STX10: variants seen among roughly 807,000 people sequenced by gnomAD.
The protein encoded by STX10 is syntaxin 10, also known as syntaxin-10.
In STX10, 35 loss-of-function variants were observed where a neutral mutation model predicts 34.1. The ratio of observed to expected loss-of-function variants is 1.03; its 90% CI spans 0.78 to 1.36. The LOEUF is 1.36. STX10 is among the 40% of genes most tolerant of loss of function. The pLI, the probability that STX10 is intolerant of heterozygous loss-of-function variation, is 0.00. For synonymous variants in STX10, 155 were observed against 132.9 expected, an observed-to-expected ratio of 1.17 and a Z score of -1.15; for missense variants, 361 against 335.5, an observed-to-expected ratio of 1.08 and a Z score of -0.59.
At position 13,144,373 on chromosome 19, in the gene STX10, C is replaced by G. The variant is rs1405946743; in HGVS notation, c.*37G>C. On this transcript the variant is annotated 3_prime_UTR_variant, in exon 8 of 8. Transcript: ENST00000587230. ...AGCTCCAAAGTGCTTGGTGGCTCCC[C>G]AGGCTTAAGGGACCAGCCTGCCAGG... 6.3e-7 allele frequency: 1 copy of G among 1,590,802 alleles called. No homozygotes were observed. The highest frequency in any genetic ancestry group is 8.5e-7 in the Non-Finnish European group (1 of 1,170,382).
chr19:13,147,296 C>T (rs1248919981), intron 4 of STX10, among the ~76,000 whole-genome samples: 1 of 151,998 alleles, frequency 6.6e-6, no homozygotes, highest in East Asian at 1.9e-4. Flanking sequence ...GAAACCCTGT[C>T]TCTACTAAAA....
chr19:13,149,019 GA>G lies in STX10; in HGVS notation c.363+9del. The G allele has an allele frequency of 6.3e-7, 1 of 1,598,574 alleles. No homozygotes were observed. Among genetic ancestry groups the G allele is most frequent in the Non-Finnish European group, 8.5e-7 (1 of 1,172,298 alleles). On this transcript the variant is annotated intron_variant, in intron 4 of 7. Coordinates refer to ENST00000587230, the MANE Select transcript of STX10 (RefSeq NM_003765.3). ...GGCTCAGGTGGGCAGGGTGGGTCAG[GA>G]AGGCTTACCTCTCTGTTATTCCTCT...
In STX10 at chr19:13,149,547, G is replaced by A; in HGVS notation, c.252C>T (p.Asp84=). 6.2e-7 allele frequency: 1 copy of A among 1,614,048 alleles called. No individual in the cohort carries two copies. The highest frequency in any genetic ancestry group is 1.3e-5 in the African/African-American group (1 of 74,994). The change falls in exon 3 of 8, where the codon GAC becomes GAT. Residue 84 remains aspartate, a synonymous_variant. Transcript: ENST00000587230. ...CCACGAACACCTTTCTCTCCTGCAG[G>A]TCCCCGGCTGGGAGCTTGAACTTGC... ...NPGKFKLPAG[D]LQERKVFVER...
intron 4 of STX10, among the ~76,000 whole-genome samples, chr19:13,145,744 G>T (rs1306679951): frequency 6.6e-6 from 1 of 151,950 alleles, no homozygotes; most frequent in East Asian, 1.9e-4. Context: ...ACAAAAATTG[G>T]GCCGGGCACA....
intron 4 of STX10, among the ~76,000 whole-genome samples, chr19:13,146,125 G>A (rs564003332): frequency 1.4e-4 from 21 of 151,846 alleles, no homozygotes; most frequent in Non-Finnish European, 1.3e-4. Context: ...TGAACCTGGG[G>A]GGCGGTGGTT....
At position 13,150,039 on chromosome 19, in the gene STX10, C is replaced by G; in HGVS notation, c.35+100G>C. On this transcript the variant is annotated intron_variant, in intron 1 of 7. Coordinates refer to ENST00000587230, the MANE Select transcript of STX10 (RefSeq NM_003765.3). This position sits in a 1 kb window ranked among gnomAD's most constrained non-coding sequence, Gnocchi z 4.0. ...GTGCGCCTCCCACTCTGCACCCCGA[C>G]GGCCTTGCCCAGCCCGCCGGGCACG... 1.5e-6 allele frequency: 2 copies of G among 1,300,450 alleles called. No homozygotes were observed. The highest frequency in any genetic ancestry group is 2.2e-6 in the Non-Finnish European group (2 of 919,996). The allele number at this position is 1,300,450 out of a possible 1,614,324, so 80.6% of individuals were successfully genotyped here. A position where few individuals can be genotyped will look rare whatever the true frequency, so the allele number is the denominator to read the frequency against.
At position 13,144,321 on chromosome 19, in the gene STX10, G is replaced by T; in HGVS notation, c.*89C>A. 1 of 1,514,026 alleles carries T rather than the reference G, an allele frequency of 6.6e-7. No homozygotes were observed. The highest frequency in any genetic ancestry group is 8.9e-7 in the Non-Finnish European group (1 of 1,117,900). 93.8% of individuals were successfully genotyped at this position (1,514,026 alleles called of 1,614,324 possible). ...CTCTACTCTCCAGCTACCCAGGAGGGACCCTCTCCTCCTAGGGGGCGAGGC... is the reference window on the plus strand; with the variant it reads ...CTCTACTCTCCAGCTACCCAGGAGGTACCCTCTCCTCCTAGGGGGCGAGGC... On this transcript the variant is annotated 3_prime_UTR_variant, in exon 8 of 8. Transcript: ENST00000587230.
intron 4 of STX10, among the ~76,000 whole-genome samples, chr19:13,148,040 G>GA (rs2019944126): frequency 8.2e-6 from 1 of 122,366 alleles, no homozygotes; most frequent in African/African-American, 3.2e-5. Flanking sequence ...CTCCAGCCTG[G>GA]CAACAGAGTG....
intron 5 of STX10, 47 bp from the exon 6 acceptor site, chr19:13,144,917 G>A (rs775073256): frequency 8.4e-6 from 13 of 1,541,308 alleles, no homozygotes; most frequent in East Asian, 2.4e-5. Flanking sequence ...GACCCCAGAA[G>A]GCCAGGCGCT....
Position 13,144,213 on chromosome 19 carries a change from G to T in STX10, c.*197C>A. 1 of 680,008 alleles carries T rather than the reference G, an allele frequency of 1.5e-6. No homozygotes were observed. The highest frequency in any genetic ancestry group is 2.4e-6 in the Non-Finnish European group (1 of 411,500). The allele number at this position is 680,008 out of a possible 1,614,324, so 42.1% of individuals were successfully genotyped here. On this transcript the variant is annotated 3_prime_UTR_variant, in exon 8 of 8. Coordinates refer to ENST00000587230, the MANE Select transcript of STX10 (RefSeq NM_003765.3). ...CCTAAGTGCACTTGAGACAGGACCAGTGGTGGTGGTTCCAGCCCAGGGTCC... is the reference window on the plus strand; with the variant it reads ...CCTAAGTGCACTTGAGACAGGACCATTGGTGGTGGTTCCAGCCCAGGGTCC...
chr19:13,147,761 G>T (rs1222090732), intron 4 of STX10, among the ~76,000 whole-genome samples: 1 of 151,922 alleles, frequency 6.6e-6, no homozygotes, highest in Non-Finnish European at 1.5e-5. Context: ...GCCACGCATG[G>T]TGGTGGGTGC....
intron 4 of STX10, among the ~76,000 whole-genome samples, chr19:13,146,540 G>A (rs567342431): frequency 8.0e-5 from 12 of 150,918 alleles, no homozygotes; most frequent in African/African-American, 2.7e-4. Flanking sequence ...TGGCCCAACA[G>A]ATGTTTGTTT....
chr19:13,144,401 G>A lies in STX10; in HGVS notation c.*9C>T, dbSNP rs2019845659. ...GCTTAAGGGACCAGCCTGCCAGGGAGGGCTGGGGTCAGAGAGAGAATAGTA... is the reference window on the plus strand; with the variant it reads ...GCTTAAGGGACCAGCCTGCCAGGGAAGGCTGGGGTCAGAGAGAGAATAGTA... On this transcript the variant is annotated 3_prime_UTR_variant, in exon 8 of 8. Coordinates refer to ENST00000587230, the MANE Select transcript of STX10 (RefSeq NM_003765.3). The A allele has an allele frequency of 1.9e-6, 3 of 1,605,756 alleles. No individual in the cohort carries two copies. In the East Asian group the frequency reaches 6.7e-5, roughly 36 times the overall value.
Position 13,149,854 on chromosome 19 carries a change from G to A in STX10, c.79C>T (p.Arg27Cys). The change falls in exon 2 of 8, where the codon CGC (arginine) becomes TGC (cysteine). Residue 27 changes from arginine (R) to cysteine (C), a missense_variant. Arg to Cys is a radical substitution (Grantham distance 180, BLOSUM62 -3). Transcript: ENST00000587230. ...CTTTCCTGCAGGAGCTCGCACCAGCGCTGGTACAGCCCGCGGGCCGTGTTC... is the reference window on the plus strand; with the variant it reads ...CTTTCCTGCAGGAGCTCGCACCAGCACTGGTACAGCCCGCGGGCCGTGTTC... ...AVNTARGLYQ[R>C]WCELLQESAA... 1 of 1,611,988 alleles carries A rather than the reference G, an allele frequency of 6.2e-7. No individual in the cohort carries two copies. Among genetic ancestry groups the A allele is most frequent in the Non-Finnish European group, 8.5e-7 (1 of 1,179,534 alleles).
At position 13,145,357 on chromosome 19, in the gene STX10, G is replaced by A. The variant is rs116545654; in HGVS notation, c.402C>T (p.Ser134=). The A allele has an allele frequency of 3.3e-5, 53 of 1,611,714 alleles. No individual in the cohort carries two copies. In the African/African-American group the frequency reaches 5.2e-4, roughly 16 times the overall value. Residue 134 remains serine (S), a synonymous_variant, in exon 5 of 8, where the codon AGC becomes AGT. Coordinates refer to ENST00000587230, the MANE Select transcript of STX10 (RefSeq NM_003765.3). ...AGKPAAQKSP[S]DLLDASAVSA... The stretch of plus-strand genomic sequence containing the variant: ...AGACTGCGCTGGCATCCAGCAGGTC[G>A]CTGGGTGACTTCTGGGCAGCTGGCT...
At chr19:13,145,200 A>T (rs2019869605) in intron 5 of STX10, 88 bp downstream of exon 5, 50 of 1,171,482 alleles carry the variant, frequency 4.3e-5, no homozygotes, top group South Asian at 6.9e-5. Context: ...CTCCATATCA[A>T]CAACAACAAC....
At chr19:13,147,358 A>T (rs1190317630) in intron 4 of STX10, among the ~76,000 whole-genome samples, 1 of 151,838 alleles carries the variant, frequency 6.6e-6, no homozygotes, top group Non-Finnish European at 1.5e-5. Context: ...CCAGCTACCC[A>T]GGAGGCTGAG....
At chr19:13,149,974 A>C (rs1038695985) in intron 1 of STX10, 77 bp from the exon 2 acceptor site, 1 of 1,506,044 alleles carries the variant, frequency 6.6e-7, no homozygotes, top group Non-Finnish European at 8.9e-7. Flanking sequence ...CTGCAAACCC[A>C]AACGCATGGG....
At chr19:13,145,477 T>C (rs1212043447) in intron 4 of STX10, 82 bp from the exon 5 acceptor site, 2 of 1,189,668 alleles carry the variant, frequency 1.7e-6, no homozygotes, top group Non-Finnish European at 2.4e-6. Context: ...CGGTGGTAAG[T>C]CAGGGGGGCA....
Sources: allele counts gnomAD v4.1 joint callset (sites outside exome capture counted in the v4.1 genomes callset), GRCh38; gene constraint gnomAD v4.1.1; non-coding constraint Gnocchi (gnomAD v3.1); transcripts MANE v1.5; gene names NCBI Gene and HGNC (gene_info 2026-07-23, HGNC 2026-07-21).